Variants in CD247 observed in about 807,000 individuals in gnomAD.
CD247 encodes the protein CD247 molecule, also known as T-cell surface glycoprotein CD3 zeta chain.
CD247 carries 13 observed loss-of-function variants against 30.0 expected under a neutral mutation model. The ratio of observed to expected loss-of-function variants is 0.43; its 90% confidence interval spans 0.28 to 0.69. The LOEUF (loss-of-function observed/expected upper bound fraction) is 0.69, where lower values mean the gene tolerates loss of function less well. CD247 is among the 30% of genes least tolerant of loss of function. CD247 has a pLI of 0.16. For synonymous variants in CD247, 72 were observed against 80.0 expected (o/e 0.90, Z 0.53); for missense variants, 193 against 212.6 (o/e 0.91, Z 0.57).
At chr1:167,497,062 G>T (rs1009593647) in intron 1 of CD247, among the ~76,000 whole-genome samples, 3 of 152,176 alleles carry the variant, frequency 2.0e-5, no homozygotes, top group African/African-American at 7.2e-5. Flanking sequence ...TTCATAATGC[G>T]TCCAAACATG....
chr1:167,495,989 A>C (rs912423944), intron 1 of CD247, among the ~76,000 whole-genome samples: 1 of 152,058 alleles, frequency 6.6e-6, no homozygotes, highest in South Asian at 2.1e-4. Flanking sequence ...TACCTCGTTT[A>C]TTGCCTGTCT....
intron 1 of CD247, among the ~76,000 whole-genome samples, chr1:167,446,957 T>C (rs1294689202): frequency 6.6e-6 from 1 of 152,116 alleles, no homozygotes; most frequent in Non-Finnish European, 1.5e-5. Flanking sequence ...ATTACGCCAC[T>C]ACACTCCAGC....
At chr1:167,452,264 A>G (rs1389859675) in intron 1 of CD247, among the ~76,000 whole-genome samples, 5 of 151,976 alleles carry the variant, frequency 3.3e-5, no homozygotes, top group Non-Finnish European at 4.4e-5. Flanking sequence ...CTCTAATAAA[A>G]TACAAAAAAT....
chr1:167,442,244 G>A (rs561175879), intron 1 of CD247, among the ~76,000 whole-genome samples: 2 of 152,282 alleles, frequency 1.3e-5, no homozygotes, highest in African/African-American at 2.4e-5. Context: ...ACAGGGTGTG[G>A]TACCCATCTC....
At chr1:167,490,844 A>G (rs923590016) in intron 1 of CD247, among the ~76,000 whole-genome samples, 4 of 152,036 alleles carry the variant, frequency 2.6e-5, no homozygotes, top group African/African-American at 9.7e-5. Context: ...GAACATGGGC[A>G]GGAGAACTGT....
At chr1:167,489,298 A>T (rs376886993) in intron 1 of CD247, among the ~76,000 whole-genome samples, 5 of 152,244 alleles carry the variant, frequency 3.3e-5, no homozygotes, top group African/African-American at 1.2e-4. Context: ...GTGTTCCCAC[A>T]TCACCTTCTT....
intron 1 of CD247, among the ~76,000 whole-genome samples, chr1:167,491,426 G>C (rs10918704): frequency 1.3e-5 from 2 of 152,018 alleles, no homozygotes; most frequent in African/African-American, 4.8e-5. Flanking sequence ...AAATTAGCCG[G>C]ACATGGTGGC....
intron 1 of CD247, among the ~76,000 whole-genome samples, chr1:167,476,151 T>C (rs375977933): frequency 1.4e-4 from 22 of 152,264 alleles, no homozygotes; most frequent in Middle Eastern, 3.4e-3. Flanking sequence ...AGAAAAGCAG[T>C]TGGTGAGAAG....
intron 1 of CD247, among the ~76,000 whole-genome samples, chr1:167,472,311 A>G (rs544948297): frequency 6.6e-6 from 1 of 152,246 alleles, no homozygotes; most frequent in South Asian, 2.1e-4. Context: ...TTGAGATCAA[A>G]GATCATTCAC....
intron 2 of CD247, 187 bp downstream of exon 2, chr1:167,440,477 C>T (rs973873592): frequency 4.6e-6 from 3 of 650,766 alleles, no homozygotes; most frequent in Non-Finnish European, 8.4e-6. Context: ...CCCTGTCCAT[C>T]TCAGCCAGAC....
At chr1:167,508,300 C>T (rs1350370466) in intron 1 of CD247, among the ~76,000 whole-genome samples, 1 of 152,260 alleles carries the variant, frequency 6.6e-6, no homozygotes, top group East Asian at 1.9e-4. Context: ...TAGCAGCCTC[C>T]CTCATGGAAT....
Position 167,467,817 on chromosome 1 carries a change from G to T in CD247, c.59-27050C>A, listed in dbSNP as rs898411679. Among the ~76,000 whole-genome samples the T allele has an allele frequency of 3.2e-4, 48 of 152,256 alleles. 1 individual carries two copies. The highest frequency in any genetic ancestry group is 1.2e-3 in the African/African-American group (48 of 41,546). The stretch of plus-strand genomic sequence containing the variant: ...GTCTGGTCGGTTTAATAACGGTATG[G>T]TACTTCTGTGGGCTATTTCCCATCA... On this transcript the variant is annotated intron_variant, in intron 1 of 7. Coordinates refer to ENST00000362089, the MANE Select transcript of CD247 (RefSeq NM_198053.3).
intron 1 of CD247, among the ~76,000 whole-genome samples, chr1:167,473,990 G>A (rs1653645644): frequency 6.6e-6 from 1 of 151,920 alleles, no homozygotes; most frequent in Non-Finnish European, 1.5e-5. Flanking sequence ...TTTTCATCTT[G>A]TACTTGTCTC....
In CD247 at chr1:167,435,449, G is replaced by A. The variant is rs778391175; in HGVS notation, c.301-15C>T. 38 of 1,608,700 alleles carry A rather than the reference G, an allele frequency of 2.4e-5. No individual in the cohort carries two copies. In the East Asian group the frequency reaches 4.0e-4, roughly 17 times the overall value. Reference sequence around the variant, plus strand: ...TTCCTTCTCTGCTAGGAAAGACAACGGGAAGACGTTAGAGGGAGAGAAACA... The same window carrying A: ...TTCCTTCTCTGCTAGGAAAGACAACAGGAAGACGTTAGAGGGAGAGAAACA... On this transcript the variant is annotated splice_polypyrimidine_tract_variant and intron_variant, in intron 4 of 7. Coordinates refer to ENST00000362089, the MANE Select transcript of CD247 (RefSeq NM_198053.3).
intron 6 of CD247, 76 bp from the exon 7 acceptor site, chr1:167,433,135 C>A: frequency 2.1e-6 from 3 of 1,458,824 alleles, no homozygotes; most frequent in Non-Finnish European, 2.9e-6. Flanking sequence ...CTCAAGGGCC[C>A]CTCCCAAGGT....
intron 1 of CD247, among the ~76,000 whole-genome samples, chr1:167,503,619 G>T (rs1655001232): frequency 6.6e-6 from 1 of 152,196 alleles, no homozygotes; most frequent in Admixed American, 6.5e-5. Context: ...TTGTAGTATA[G>T]TATTAACATC....
At chr1:167,509,965 C>T (rs554126921) in intron 1 of CD247, among the ~76,000 whole-genome samples, 5 of 152,154 alleles carry the variant, frequency 3.3e-5, no homozygotes, top group Non-Finnish European at 2.9e-5. Context: ...GTCTATGCAG[C>T]TATGAAGAAG....
intron 1 of CD247, among the ~76,000 whole-genome samples, chr1:167,477,161 C>T (rs1653783566): frequency 6.6e-6 from 1 of 152,170 alleles, no homozygotes; most frequent in Non-Finnish European, 1.5e-5. Context: ...CAAATTAAAC[C>T]TCTGCCTACC....
chr1:167,449,149 C>CTTTTTTTTT (rs71097676), intron 1 of CD247, among the ~76,000 whole-genome samples: 6 of 66,414 alleles, frequency 9.0e-5, no homozygotes, highest in Non-Finnish European at 1.0e-4. Context: ...TTTTTCTTTT[C>CTTTTTTTTT]TTTTTTTTTT....
Sources: allele counts gnomAD v4.1 joint callset (sites outside exome capture counted in the v4.1 genomes callset), GRCh38; gene constraint gnomAD v4.1.1; transcripts MANE v1.5; gene names NCBI Gene and HGNC (gene_info 2026-07-23, HGNC 2026-07-21).